NEK1: variants seen among roughly 807,000 people sequenced by gnomAD.
NEK1 encodes the protein serine/threonine-protein kinase Nek1.
In NEK1, 137 loss-of-function variants were observed where a neutral mutation model predicts 182.1. The observed-to-expected ratio is 0.75, with a 90% confidence interval of 0.65 to 0.87. The LOEUF (loss-of-function observed/expected upper bound fraction) is 0.87. NEK1 is among the 40% of genes least tolerant of loss of function. NEK1 has a pLI of 0.00. For missense variants in NEK1, 1,391 were observed against 1,494.4 expected (o/e 0.93, Z 1.14); for synonymous variants, 513 against 492.2 (o/e 1.04, Z -0.56).
chr4:169,421,533 G>T lies in NEK1; in HGVS notation c.3222+3020C>A, dbSNP rs369887526. ...GGCAGATTTCCCCCATGCTATTCTT[G>T]TGATGGTGAGTGAGTTCTCATGAGA... On this transcript the variant is annotated intron_variant, in intron 31 of 35. Coordinates refer to ENST00000507142, the MANE Select transcript of NEK1 (RefSeq NM_001199397.3). Among the ~76,000 whole-genome samples, 16 of 152,230 alleles carry T rather than the reference G, an allele frequency of 1.1e-4. No homozygotes were observed. In the South Asian group the frequency reaches 3.3e-3, roughly 32 times the overall value.
chr4:169,579,536 A>C lies in NEK1; in HGVS notation c.868+1306T>G, dbSNP rs552993231. On this transcript the variant is annotated intron_variant, in intron 11 of 35. Transcript: ENST00000507142. The stretch of plus-strand genomic sequence containing the variant: ...ATGCAGCTGGTGGCTCATGCCTGTA[A>C]TCCCAGCACTTTCGGAGGCCAAGGC... Among the ~76,000 whole-genome samples, 3 of 152,258 alleles carry C rather than the reference A, an allele frequency of 2.0e-5. No individual in the cohort carries two copies. In the East Asian group the frequency reaches 5.8e-4, roughly 30 times the overall value.
In NEK1 at chr4:169,401,763, C is replaced by T. The variant is rs780432086; in HGVS notation, c.3472G>A (p.Glu1158Lys). 6.2e-7 allele frequency: 1 copy of T among 1,613,702 alleles called. No homozygotes were observed. Among genetic ancestry groups the T allele is most frequent in the Non-Finnish European group, 8.5e-7 (1 of 1,179,740 alleles). Residue 1158 changes from glutamate to lysine, a missense_variant, in exon 33 of 36, where the codon GAG becomes AAG. By Grantham distance (56) the Glu-to-Lys change is moderately conservative. This residue lies in a region of NEK1 where 1,216 missense variants were observed against 1,277.6 expected (regional missense o/e 0.95). Coordinates refer to ENST00000507142, the MANE Select transcript of NEK1 (RefSeq NM_001199397.3). Reference protein sequence around the residue: ...QPGEEYSEEEESVLKNSDVEP... With the variant: ...QPGEEYSEEEKSVLKNSDVEP... ...ACATCACTGTTCTTCAAGACTGACT[C>T]TTCTTCTTCACTGTATTCTTCACCA...
Position 169,475,902 on chromosome 4 carries a change from A to G in NEK1, c.2434+1222T>C, listed in dbSNP as rs2149544146. Reference sequence around the variant, plus strand: ...GATAGAGCAATAGAAACTATCCACAATGAAACACAACAAGAATCTAAAAAA... The same window carrying G: ...GATAGAGCAATAGAAACTATCCACAGTGAAACACAACAAGAATCTAAAAAA... On this transcript the variant is annotated intron_variant, in intron 26 of 35. Coordinates refer to ENST00000507142, the MANE Select transcript of NEK1 (RefSeq NM_001199397.3). Among the ~76,000 whole-genome samples the G allele has an allele frequency of 2.6e-5, 4 of 152,250 alleles. No homozygotes were observed. In the Middle Eastern group the frequency reaches 0.014, roughly 518 times the overall value.
chr4:169,427,848 C>T (rs1736671640), intron 29 of NEK1, among the ~76,000 whole-genome samples: 1 of 151,938 alleles, frequency 6.6e-6, no homozygotes, highest in African/African-American at 2.4e-5. Flanking sequence ...GAGACAGGGT[C>T]TTGCTCTGTT....
chr4:169,468,835 G>C (rs1015330738), intron 26 of NEK1, among the ~76,000 whole-genome samples: 1 of 151,996 alleles, frequency 6.6e-6, no homozygotes, highest in Non-Finnish European at 1.5e-5. Flanking sequence ...CTTCTTCCTA[G>C]TTTAGTCTTG....
chr4:169,406,844 T>C (rs1732715810), intron 31 of NEK1, 97 bp from the exon 32 acceptor site: 4 of 929,724 alleles, frequency 4.3e-6, no homozygotes, highest in Middle Eastern at 6.4e-4. Flanking sequence ...GTTACATATG[T>C]GTAAAATGTA....
chr4:169,577,982 T>G (rs36020763), intron 11 of NEK1, among the ~76,000 whole-genome samples: 6,251 of 152,178 alleles, frequency 0.041, 170 homozygotes, highest in African/African-American at 0.063. Flanking sequence ...AATGGGTACC[T>G]TAAAGACTGC....
chr4:169,514,823 AG>A (rs1368782801), intron 19 of NEK1, among the ~76,000 whole-genome samples: 1 of 152,070 alleles, frequency 6.6e-6, no homozygotes, highest in Non-Finnish European at 1.5e-5. Flanking sequence ...ATTACTCTAT[AG>A]TATTACTGGT....
intron 27 of NEK1, among the ~76,000 whole-genome samples, chr4:169,453,455 ACTG>A (rs1240432646): frequency 6.6e-6 from 1 of 152,198 alleles, no homozygotes; most frequent in African/African-American, 2.4e-5. Flanking sequence ...CTGGCCATAA[ACTG>A]GCCCCAAAAC....
intron 19 of NEK1, among the ~76,000 whole-genome samples, chr4:169,531,649 G>A (rs1459295896): frequency 6.6e-6 from 1 of 152,054 alleles, no homozygotes; most frequent in African/African-American, 2.4e-5. Context: ...TGAAACCAGA[G>A]AAACAGACAT....
chr4:169,599,655 A>G (rs1005807690), intron 4 of NEK1, among the ~76,000 whole-genome samples: 1 of 152,202 alleles, frequency 6.6e-6, no homozygotes, highest in Non-Finnish European at 1.5e-5. Context: ...AAATAAAATA[A>G]TAAGTGTTGT....
At chr4:169,453,649 A>C (rs981911118) in intron 27 of NEK1, among the ~76,000 whole-genome samples, 2 of 152,262 alleles carry the variant, frequency 1.3e-5, no homozygotes, top group African/African-American at 4.8e-5. Flanking sequence ...TGCTTTAAGG[A>C]CATGCTCCTG....
At chr4:169,506,920 G>GA in intron 23 of NEK1, 117 bp downstream of exon 23, 1 of 540,454 alleles carries the variant, frequency 1.9e-6, no homozygotes, top group Non-Finnish European at 3.1e-6. Flanking sequence ...GAGAGAGAAT[G>GA]AGAATGAAAA....
At chr4:169,406,516 G>A (rs1732645197) in intron 32 of NEK1, 80 bp downstream of exon 32, 1 of 999,708 alleles carries the variant, frequency 1.0e-6, no homozygotes, top group South Asian at 2.1e-5. Context: ...AAAAAAAAGA[G>A]CTAGGTAAGT....
intron 31 of NEK1, among the ~76,000 whole-genome samples, chr4:169,420,692 T>G (rs1447240725): frequency 2.0e-5 from 3 of 152,106 alleles, no homozygotes; most frequent in Non-Finnish European, 4.4e-5. Flanking sequence ...ATAATATTAT[T>G]TGAAGGGAGA....
At chr4:169,557,711 T>C (rs540956466) in intron 16 of NEK1, among the ~76,000 whole-genome samples, 47 of 152,276 alleles carry the variant, frequency 3.1e-4, no homozygotes, top group African/African-American at 1.1e-3. Context: ...GGTGGGCAGA[T>C]TGCTTGAGCT....
At chr4:169,410,281 G>A (rs2111155973) in intron 31 of NEK1, among the ~76,000 whole-genome samples, 1 of 151,508 alleles carries the variant, frequency 6.6e-6, no homozygotes, top group Admixed American at 6.6e-5. Flanking sequence ...CCAAATTTTA[G>A]GAAACCTTAA....
At chr4:169,409,668 T>C (rs1178919586) in intron 31 of NEK1, among the ~76,000 whole-genome samples, 1 of 152,068 alleles carries the variant, frequency 6.6e-6, no homozygotes, top group East Asian at 1.9e-4. Context: ...CTTGGGAGGC[T>C]GAGGCAGGAG....
chr4:169,587,467 T>C (rs1464930043), intron 9 of NEK1, 92 bp downstream of exon 9: 1 of 703,370 alleles, frequency 1.4e-6, no homozygotes, highest in Non-Finnish European at 2.3e-6. Flanking sequence ...GGATGAGGGT[T>C]ACCTGAAAGA....
Sources: allele counts gnomAD v4.1 joint callset (sites outside exome capture counted in the v4.1 genomes callset), GRCh38; gene constraint gnomAD v4.1.1; regional missense constraint gnomAD v4.1.1; transcripts MANE v1.5; gene names NCBI Gene and HGNC (gene_info 2026-07-23, HGNC 2026-07-21).